OSBP2: variants seen among roughly 807,000 people sequenced by gnomAD.
OSBP2 encodes oxysterol binding protein 2.
OSBP2 carries 66 observed loss-of-function variants against 96.0 expected under a neutral mutation model. That is an observed-to-expected ratio of 0.69 (90% CI 0.56 to 0.84). OSBP2 has a LOEUF of 0.84. OSBP2 is among the 40% of genes least tolerant of loss of function. The pLI, the probability that OSBP2 is intolerant of heterozygous loss-of-function variation, is 0.00. For missense variants in OSBP2, 1,038 were observed against 1,222.7 expected (o/e 0.85, Z 2.25); for synonymous variants, 525 against 520.9 (o/e 1.01, Z -0.11).
At chr22:30,832,958 C>G (rs1299869473) in intron 2 of OSBP2, among the ~76,000 whole-genome samples, 1 of 152,196 alleles carries the variant, frequency 6.6e-6, no homozygotes, top group African/African-American at 2.4e-5. Context: ...TGATTTAGTT[C>G]TTACTCTCAT....
intron 3 of OSBP2, among the ~76,000 whole-genome samples, chr22:30,885,832 C>T (rs544102480): frequency 2.9e-4 from 44 of 152,362 alleles, no homozygotes; most frequent in African/African-American, 1.0e-3. Flanking sequence ...CGTGCAGACC[C>T]GTGGCACCCA....
At chr22:30,902,585 C>A in intron 12 of OSBP2, 1 of 813,098 alleles carries the variant, frequency 1.2e-6, no homozygotes, top group Non-Finnish European at 2.1e-6. Context: ...TGGGCAGCCA[C>A]TTCAGAGATG....
At position 30,695,760 on chromosome 22, in the gene OSBP2, A is replaced by G. The variant is rs117344502; in HGVS notation, c.644+207A>G. ...GCAAGGGTGAATGTGATCTGCGGAC[A>G]TGACCTCTGGCAAGCTTGGGTTTTT... On this transcript the variant is annotated intron_variant, in intron 1 of 13. Coordinates refer to ENST00000332585, the MANE Select transcript of OSBP2 (RefSeq NM_030758.4). 2.1e-3 allele frequency among the ~76,000 whole-genome samples: 320 copies of G among 152,332 alleles called. 7 individuals are homozygous for G. In the East Asian group the frequency reaches 0.046, roughly 22 times the overall value.
chr22:30,851,053 G>A (rs2038969647), intron 2 of OSBP2, among the ~76,000 whole-genome samples: 1 of 151,512 alleles, frequency 6.6e-6, no homozygotes, highest in Non-Finnish European at 1.5e-5. Flanking sequence ...ATTTTAAATG[G>A]TACTATTTTT....
At position 30,890,795 on chromosome 22, in the gene OSBP2, T is replaced by G; in HGVS notation, c.1691T>G (p.Leu564Arg). 6.2e-7 allele frequency: 1 copy of G among 1,613,648 alleles called. No homozygotes were observed. Among genetic ancestry groups the G allele is most frequent in the Non-Finnish European group, 8.5e-7 (1 of 1,180,026 alleles). The change falls in exon 8 of 14, where the codon CTG becomes CGG. Residue 564 changes from leucine to arginine, a missense_variant. Coordinates refer to ENST00000332585, the MANE Select transcript of OSBP2 (RefSeq NM_030758.4). This position sits in a 1 kb window ranked among gnomAD's most constrained non-coding sequence, Gnocchi z 4.4. ...LTEDLEYHHL[L>R]DKAVHCTSSV... The stretch of plus-strand genomic sequence containing the variant: ...GAGGACCTGGAGTACCACCACCTGC[T>G]GGACAAGGCAGTGCACTGCACCAGC...
intron 12 of OSBP2, among the ~76,000 whole-genome samples, chr22:30,898,233 TC>T (rs1314299163): frequency 2.0e-5 from 3 of 152,096 alleles, no homozygotes; most frequent in East Asian, 1.9e-4. Flanking sequence ...ATGCCTGTAG[TC>T]CCAGATACTC....
intron 2 of OSBP2, among the ~76,000 whole-genome samples, chr22:30,839,067 C>A (rs1424851335): frequency 7.4e-6 from 1 of 135,272 alleles, no homozygotes; most frequent in African/African-American, 2.8e-5. Flanking sequence ...TCTCATTGTT[C>A]AATTCCCATC....
intron 3 of OSBP2, among the ~76,000 whole-genome samples, chr22:30,886,314 T>G (rs2039808080): frequency 6.6e-6 from 1 of 152,154 alleles, no homozygotes; most frequent in Non-Finnish European, 1.5e-5. Context: ...TGGTTGGCAC[T>G]TGGTTGAGTT....
intron 1 of OSBP2, among the ~76,000 whole-genome samples, chr22:30,715,368 C>CTTT (rs136384): frequency 5.0e-5 from 7 of 140,718 alleles, no homozygotes; most frequent in Non-Finnish European, 6.1e-5. Context: ...CTCTCTCTCT[C>CTTT]TTTTTTTTTT....
intron 2 of OSBP2, among the ~76,000 whole-genome samples, chr22:30,767,665 A>G (rs2090292845): frequency 6.6e-6 from 1 of 152,004 alleles, no homozygotes; most frequent in South Asian, 2.1e-4. Context: ...AGTTTGCAGG[A>G]AGTAGAAAAG....
intron 2 of OSBP2, among the ~76,000 whole-genome samples, chr22:30,795,085 AT>A (rs925430097): frequency 8.6e-5 from 13 of 150,842 alleles, no homozygotes; most frequent in Non-Finnish European, 1.6e-4. Context: ...GATGTTTTAA[AT>A]TTTTTTGTAG....
chr22:30,762,922 T>G (rs1482135271), intron 2 of OSBP2, among the ~76,000 whole-genome samples: 3 of 152,164 alleles, frequency 2.0e-5, no homozygotes, highest in Non-Finnish European at 4.4e-5. Flanking sequence ...AAGCTTCAAT[T>G]CTGTGCTTCC....
At chr22:30,853,582 T>TA (rs2039017306) in intron 2 of OSBP2, among the ~76,000 whole-genome samples, 1 of 152,188 alleles carries the variant, frequency 6.6e-6, no homozygotes, top group Non-Finnish European at 1.5e-5. Context: ...TTCCTTTTTT[T>TA]ATCCAGCCTG....
intron 2 of OSBP2, among the ~76,000 whole-genome samples, chr22:30,833,622 G>A (rs2147010484): frequency 6.6e-6 from 1 of 152,276 alleles, no homozygotes; most frequent in South Asian, 2.1e-4. Context: ...CCAGCCACTA[G>A]TCTCACCATA....
intron 1 of OSBP2, among the ~76,000 whole-genome samples, chr22:30,721,264 C>A (rs4820895): frequency 0.88 from 133,744 of 152,050 alleles, 59,076 homozygotes; most frequent in East Asian, 0.97. Context: ...AAAAAAACAA[C>A]AAACAAACAA....
rs996613870 is a variant in OSBP2, at chr22:30,786,784, A to G, written c.853+45415A>G. 1.9e-4 allele frequency among the ~76,000 whole-genome samples: 29 copies of G among 151,904 alleles called. 2 individuals carry two copies. On this transcript the variant is annotated intron_variant, in intron 2 of 13. Coordinates refer to ENST00000332585, the MANE Select transcript of OSBP2 (RefSeq NM_030758.4). Reference sequence around the variant, plus strand: ...GCTGGAGAGACTAGCAGGGCAAAACATGCATCAGGAAAGGTGTTTTGTTTT... The same window carrying G: ...GCTGGAGAGACTAGCAGGGCAAAACGTGCATCAGGAAAGGTGTTTTGTTTT...
intron 2 of OSBP2, among the ~76,000 whole-genome samples, chr22:30,794,285 G>A (rs1434114528): frequency 9.3e-5 from 13 of 139,480 alleles, no homozygotes; most frequent in Admixed American, 7.3e-5. Flanking sequence ...TTTTTGAGAC[G>A]GAGTCTCACT....
At chr22:30,816,000 T>C (rs1163071617) in intron 2 of OSBP2, among the ~76,000 whole-genome samples, 6 of 152,202 alleles carry the variant, frequency 3.9e-5, no homozygotes, top group Admixed American at 3.9e-4. Context: ...TGCAGCAGCA[T>C]CACAGCGCCT....
intron 3 of OSBP2, among the ~76,000 whole-genome samples, chr22:30,874,830 C>A (rs1419061083): frequency 2.0e-5 from 3 of 152,224 alleles, no homozygotes; most frequent in African/African-American, 7.2e-5. Context: ...CAGAACCCCG[C>A]AGGGACATCA....
Sources: allele counts gnomAD v4.1 joint callset (sites outside exome capture counted in the v4.1 genomes callset), GRCh38; gene constraint gnomAD v4.1.1; non-coding constraint Gnocchi (gnomAD v3.1); transcripts MANE v1.5; gene names NCBI Gene and HGNC (gene_info 2026-07-23, HGNC 2026-07-21).